The following ATP2C2 variants were observed in gnomAD, a reference collection of about 807,000 sequenced individuals.
ATP2C2 encodes calcium-transporting ATPase type 2C member 2.
ATP2C2 carries 171 observed loss-of-function variants against 110.8 expected under a neutral mutation model. That is an observed-to-expected ratio of 1.54 (90% CI 1.36 to 1.75). The LOEUF is 1.75. Ranked by LOEUF, ATP2C2 falls within the 40% of genes most tolerant of loss-of-function variation. The pLI is 0.00. For missense variants in ATP2C2, 1,963 were observed against 1,235.0 expected (o/e 1.59, Z -8.84); for synonymous variants, 804 against 508.4 (o/e 1.58, Z -7.82).
chr16:84,454,646 C>T (rs1183115014), intron 20 of ATP2C2, among the ~76,000 whole-genome samples, 172 bp from the exon 21 acceptor site: 2 of 152,174 alleles, frequency 1.3e-5, no homozygotes, highest in Non-Finnish European at 2.9e-5. Context: ...AAACTGAGGT[C>T]AAGAGGGTCA....
intron 2 of ATP2C2, among the ~76,000 whole-genome samples, chr16:84,402,828 C>T (rs1025386444): frequency 6.6e-6 from 1 of 152,160 alleles, no homozygotes; most frequent in African/African-American, 2.4e-5. Flanking sequence ...ATTCCCTACT[C>T]ATCTGTTTTT....
chr16:84,463,586 G>C, intron 26 of ATP2C2, 28 bp from the exon 27 acceptor site: 6 of 1,590,018 alleles, frequency 3.8e-6, no homozygotes, highest in East Asian at 2.2e-5. Context: ...AGCCCGTCCT[G>C]AATCTTTTCT....
chr16:84,443,791 G>A (rs1909487208), intron 15 of ATP2C2, among the ~76,000 whole-genome samples: 1 of 152,158 alleles, frequency 6.6e-6, no homozygotes, highest in South Asian at 2.1e-4. Context: ...CCTTCCCAAA[G>A]CTGGTGCTGG....
intron 7 of ATP2C2, among the ~76,000 whole-genome samples, chr16:84,419,444 C>T (rs62050872): frequency 0.066 from 10,034 of 152,088 alleles, 638 homozygotes; most frequent in African/African-American, 0.17. Context: ...CTCACGGGGC[C>T]CACCCCGGTC....
intron 6 of ATP2C2, among the ~76,000 whole-genome samples, chr16:84,412,090 A>T (rs969061357): frequency 2.6e-5 from 4 of 151,646 alleles, no homozygotes; most frequent in African/African-American, 4.8e-5. Flanking sequence ...GCTCACTGCA[A>T]CCTGTGCCTG....
chr16:84,451,135 T>A (rs1051417143), intron 17 of ATP2C2, among the ~76,000 whole-genome samples: 3 of 151,880 alleles, frequency 2.0e-5, no homozygotes, highest in African/African-American at 7.3e-5. Context: ...TGGCAGAAGG[T>A]GAAAGGCACG....
chr16:84,417,132 T>C (rs1386016512), intron 7 of ATP2C2, among the ~76,000 whole-genome samples: 5 of 152,164 alleles, frequency 3.3e-5, no homozygotes, highest in African/African-American at 1.2e-4. Flanking sequence ...CTCAGTTTTC[T>C]CATCTGCAAA....
chr16:84,460,691 C>A lies in ATP2C2; in HGVS notation c.2371C>A (p.Gln791Lys), dbSNP rs1208907817. ...GCCCGTTGACAAAGACGCCTTCAGG[C>A]AGCCACCACGGAGTGTGCGGGACAC... ...VEPVDKDAFR[Q>K]PPRSVRDTIL... The change falls in exon 24 of 27, where the codon CAG (glutamine) becomes AAG (lysine). Residue 791 changes from glutamine to lysine, a missense_variant. Transcript: ENST00000262429. The A allele has an allele frequency of 6.2e-7, 1 of 1,614,108 alleles. No individual in the cohort carries two copies. Among genetic ancestry groups the A allele is most frequent in the African/African-American group, 1.3e-5 (1 of 74,928 alleles).
At chr16:84,397,161 G>A (rs1177247591) in intron 1 of ATP2C2, among the ~76,000 whole-genome samples, 1 of 151,760 alleles carries the variant, frequency 6.6e-6, no homozygotes, top group Non-Finnish European at 1.5e-5. Flanking sequence ...CCGCTTCTGA[G>A]GTCTCCTTTG....
intron 2 of ATP2C2, among the ~76,000 whole-genome samples, chr16:84,401,922 G>A (rs961417031): frequency 6.6e-6 from 1 of 151,586 alleles, no homozygotes; most frequent in African/African-American, 2.4e-5. Context: ...GCTTTGGGTA[G>A]TATGGACATT....
At chr16:84,452,251 C>A (rs1189573031) in intron 18 of ATP2C2, among the ~76,000 whole-genome samples, 160 bp downstream of exon 18, 1 of 152,206 alleles carries the variant, frequency 6.6e-6, no homozygotes, top group Non-Finnish European at 1.5e-5. Flanking sequence ...GCCAGCATTC[C>A]AATTTCTGAG....
chr16:84,446,689 T>G (rs1434953301), intron 16 of ATP2C2, among the ~76,000 whole-genome samples: 4 of 152,308 alleles, frequency 2.6e-5, no homozygotes, highest in Middle Eastern at 3.4e-3. Flanking sequence ...TTATTAGAAA[T>G]GCAGAATCTC....
rs1555565298 is a variant in ATP2C2, at chr16:84,444,178, A to AAC, written c.1401+1580_1401+1581insCA. ...ATCCTGCCTCAAAAAAAAAAAAAAA[A>AAC]AAAAAACAAAAAGATTGGGCACAGT... On this transcript the variant is annotated intron_variant, in intron 15 of 26. Coordinates refer to ENST00000262429, the MANE Select transcript of ATP2C2 (RefSeq NM_014861.4). Among the ~76,000 whole-genome samples, 272 of 116,292 alleles carry AAC rather than the reference A, an allele frequency of 2.3e-3. 1 individual carries two copies. The highest frequency in any genetic ancestry group is 7.3e-3 in the African/African-American group (248 of 33,948). 76.3% of individuals were successfully genotyped at this position (116,292 alleles called of 152,430 possible).
chr16:84,448,067 C>A (rs980195330), intron 16 of ATP2C2, among the ~76,000 whole-genome samples: 4 of 152,012 alleles, frequency 2.6e-5, no homozygotes, highest in African/African-American at 9.7e-5. Flanking sequence ...TTAAGAAAAA[C>A]ACAGGAAAAA....
Position 84,453,173 on chromosome 16 carries a change from G to A in ATP2C2, c.1867G>A (p.Ala623Thr), listed in dbSNP as rs770370496. 6.2e-7 allele frequency: 1 copy of A among 1,613,920 alleles called. No individual in the cohort carries two copies. The highest frequency in any genetic ancestry group is 2.2e-5 in the East Asian group (1 of 44,874). Residue 623 changes from alanine (A) to threonine (T), a missense_variant, in exon 19 of 27, where the codon GCC becomes ACC. Transcript: ENST00000262429. ...CGGCCTGTGCAACGGGAAGCTGCAA[G>A]CCATGTCCGGGGAGGAGGTGGACAG... is the stretch of plus-strand genomic sequence containing the variant. ...NIGLCNGKLQ[A>T]MSGEEVDSVE...
At chr16:84,417,124 C>T (rs1015790456) in intron 7 of ATP2C2, among the ~76,000 whole-genome samples, 2 of 152,202 alleles carry the variant, frequency 1.3e-5, no homozygotes, top group South Asian at 4.1e-4. Context: ...CTCTGTGCCT[C>T]AGTTTTCTCA....
intron 6 of ATP2C2, among the ~76,000 whole-genome samples, chr16:84,412,375 CGT>C (rs1238138624): frequency 1.1e-4 from 9 of 79,848 alleles, no homozygotes; most frequent in Non-Finnish European, 2.3e-4. Context: ...TGTGTGTGTG[CGT>C]GTGTGTATAT....
intron 15 of ATP2C2, among the ~76,000 whole-genome samples, chr16:84,444,742 T>A (rs1032150827): frequency 6.6e-6 from 1 of 150,640 alleles, no homozygotes; most frequent in Non-Finnish European, 1.5e-5. Flanking sequence ...CAGAAGAGAT[T>A]TCCTTGATGT....
intron 1 of ATP2C2, among the ~76,000 whole-genome samples, chr16:84,397,765 A>C (rs1476227115): frequency 6.6e-6 from 1 of 151,796 alleles, no homozygotes; most frequent in East Asian, 1.9e-4. Flanking sequence ...AATGTGATCT[A>C]CTCATACAGT....
Sources: allele counts gnomAD v4.1 joint callset (sites outside exome capture counted in the v4.1 genomes callset), GRCh38; gene constraint gnomAD v4.1.1; transcripts MANE v1.5; gene names NCBI Gene and HGNC (gene_info 2026-07-23, HGNC 2026-07-21).